Variants in PCDH15 observed in about 807,000 individuals in gnomAD.
The protein encoded by PCDH15 is protocadherin related 15, also known as protocadherin-15.
PCDH15 carries 129 observed loss-of-function variants against 178.5 expected under a neutral mutation model. The ratio of observed to expected loss-of-function variants is 0.72; its 90% CI spans 0.63 to 0.84. The LOEUF is 0.84. Among genes scored for constraint, PCDH15 ranks in the 40% least tolerant of loss-of-function variants. The pLI is 0.00. For missense variants in PCDH15, 2,230 were observed against 2,099.9 expected (o/e 1.06, Z -1.21); for synonymous variants, 800 against 732.0 (o/e 1.09, Z -1.50).
chr10:53,915,230 A>AAAT, intron 25 of PCDH15, among the ~76,000 whole-genome samples: 1 of 152,362 alleles, frequency 6.6e-6, no homozygotes, highest in Non-Finnish European at 1.5e-5. Flanking sequence ...AACAGGAACA[A>AAAT]AATATACTTA....
intron 6 of PCDH15, among the ~76,000 whole-genome samples, chr10:54,338,781 A>G (rs994329466): frequency 6.6e-6 from 1 of 152,146 alleles, no homozygotes; most frequent in Admixed American, 6.5e-5. Context: ...GGAGACTGCT[A>G]CAAGGGACAT....
chr10:55,076,686 T>C (rs2132020200), intron 2 of PCDH15, among the ~76,000 whole-genome samples: 1 of 151,742 alleles, frequency 6.6e-6, no homozygotes, highest in South Asian at 2.1e-4. Flanking sequence ...ATCAAACTTA[T>C]GAACTCAGGC....
chr10:53,821,933 T>C, intron 32 of PCDH15: 1 of 1,613,784 alleles, frequency 6.2e-7, no homozygotes, highest in Non-Finnish European at 8.5e-7. Flanking sequence ...CCTTGTTTTG[T>C]TCAGATGTGA....
rs1396504632 is a variant in PCDH15, at chr10:54,216,043, A to AG, written c.986-1996dup. Reference sequence around the variant, plus strand: ...GGGCTACAGAGTGAGACTCCGTCTCAGAAAAAAAAAAAAAAAAAAAAAAAA... The same window carrying AG: ...GGGCTACAGAGTGAGACTCCGTCTCAGGAAAAAAAAAAAAAAAAAAAAAAAA... On this transcript the variant is annotated intron_variant, in intron 9 of 37. Transcript: ENST00000644397. Among the ~76,000 whole-genome samples the AG allele has an allele frequency of 3.4e-4, 36 of 104,660 alleles. 1 individual carries two copies. Among genetic ancestry groups the AG allele is most frequent in the African/African-American group, 1.2e-3 (32 of 26,400 alleles). The allele number at this position is 104,660 out of a possible 152,430, so 68.7% of individuals were successfully genotyped here. A position where few individuals can be genotyped will look rare whatever the true frequency, so the allele number is the denominator to read the frequency against.
chr10:53,918,500 G>A (rs1409063414), intron 25 of PCDH15, among the ~76,000 whole-genome samples: 1 of 152,124 alleles, frequency 6.6e-6, no homozygotes, highest in Non-Finnish European at 1.5e-5. Context: ...AAGAATTATT[G>A]AATAAAACGA....
At chr10:54,442,060 A>C (rs2075820959) in intron 3 of PCDH15, among the ~76,000 whole-genome samples, 1 of 151,714 alleles carries the variant, frequency 6.6e-6, no homozygotes, top group Non-Finnish European at 1.5e-5. Context: ...GGTGCAGAAA[A>C]ATATTAAAAC....
intron 2 of PCDH15, among the ~76,000 whole-genome samples, chr10:54,554,866 C>A (rs1239884840): frequency 6.6e-6 from 1 of 152,108 alleles, no homozygotes; most frequent in African/African-American, 2.4e-5. Flanking sequence ...ACAGAATAAG[C>A]CTCTGAATAA....
At chr10:54,423,850 T>C (rs1402922146) in intron 3 of PCDH15, among the ~76,000 whole-genome samples, 2 of 151,826 alleles carry the variant, frequency 1.3e-5, no homozygotes, top group Non-Finnish European at 2.9e-5. Context: ...TTACACCTTA[T>C]ACAAAAATTA....
intron 2 of PCDH15, among the ~76,000 whole-genome samples, chr10:55,060,261 C>A (rs148061738): frequency 5.7e-4 from 86 of 152,158 alleles, no homozygotes; most frequent in African/African-American, 2.1e-3. Flanking sequence ...TGAATCATTA[C>A]TTTATTCAAT....
At chr10:55,538,379 T>G (rs1350087553) in intron 2 of PCDH15, among the ~76,000 whole-genome samples, 1 of 147,228 alleles carries the variant, frequency 6.8e-6, no homozygotes, top group Admixed American at 6.8e-5. Flanking sequence ...AAGCTTTTCC[T>G]TCCTTCCTTC....
intron 1 of PCDH15, among the ~76,000 whole-genome samples, chr10:55,175,928 C>T (rs1316515161): frequency 6.6e-6 from 1 of 151,934 alleles, no homozygotes; most frequent in East Asian, 2.0e-4. Context: ...CATGGGGAAG[C>T]CACCTTAACC....
At chr10:54,206,948 G>A (rs1279187047) in intron 10 of PCDH15, among the ~76,000 whole-genome samples, 1 of 152,046 alleles carries the variant, frequency 6.6e-6, no homozygotes, top group Non-Finnish European at 1.5e-5. Flanking sequence ...ATTTTACAAT[G>A]TTTGGTCTTG....
intron 3 of PCDH15, among the ~76,000 whole-genome samples, chr10:54,870,052 A>G (rs1359304857): frequency 6.6e-6 from 1 of 152,228 alleles, no homozygotes. Context: ...AATGAAGTCA[A>G]GAGACTTATA....
chr10:55,526,895 G>A (rs1395402311), intron 2 of PCDH15, among the ~76,000 whole-genome samples: 1 of 151,998 alleles, frequency 6.6e-6, no homozygotes, highest in African/African-American at 2.4e-5. Flanking sequence ...TATTATTACT[G>A]CTAGGTTATA....
At chr10:54,758,820 T>C (rs924924766) in intron 1 of PCDH15, among the ~76,000 whole-genome samples, 3 of 152,218 alleles carry the variant, frequency 2.0e-5, no homozygotes, top group Admixed American at 1.3e-4. Flanking sequence ...TATTAGACTA[T>C]ATTCTTTAAG....
chr10:54,837,262 AG>A (rs984323055), intron 3 of PCDH15, among the ~76,000 whole-genome samples: 1 of 152,152 alleles, frequency 6.6e-6, no homozygotes, highest in African/African-American at 2.4e-5. Context: ...ACACCCAGTC[AG>A]GACATTGTTT....
intron 9 of PCDH15, among the ~76,000 whole-genome samples, chr10:54,214,636 G>A (rs1444636999): frequency 6.6e-6 from 1 of 152,120 alleles, no homozygotes. Flanking sequence ...GTGTCACCCA[G>A]GCTGGAGTGC....
chr10:54,167,825 GC>G (rs2046407304), intron 13 of PCDH15, among the ~76,000 whole-genome samples: 1 of 23,948 alleles, frequency 4.2e-5, no homozygotes, highest in African/African-American at 2.3e-4. Flanking sequence ...TTATTTCCAT[GC>G]CCCAACCCCT....
intron 1 of PCDH15, among the ~76,000 whole-genome samples, chr10:55,303,802 T>C (rs1016135264): frequency 2.0e-5 from 3 of 152,186 alleles, no homozygotes; most frequent in Non-Finnish European, 4.4e-5. Context: ...GTCTCTGTTT[T>C]TGTCAGACTG....
Sources: allele counts gnomAD v4.1 joint callset (sites outside exome capture counted in the v4.1 genomes callset), GRCh38; gene constraint gnomAD v4.1.1; transcripts MANE v1.5; gene names NCBI Gene and HGNC (gene_info 2026-07-23, HGNC 2026-07-21).